Variants in RPS6KC1 observed in about 807,000 individuals in gnomAD.
RPS6KC1 encodes the protein ribosomal protein S6 kinase C1, also known as inactive ribosomal protein S6 kinase delta-1.
RPS6KC1 carries 54 observed loss-of-function variants against 103.8 expected under a neutral mutation model. That is an observed-to-expected ratio of 0.52 (90% confidence interval 0.42 to 0.65). The LOEUF (loss-of-function observed/expected upper bound fraction) is 0.65. Among genes scored for constraint, RPS6KC1 ranks in the 30% least tolerant of loss-of-function variants. RPS6KC1 has a pLI of 0.00. For missense variants in RPS6KC1, 1,151 were observed against 1,253.8 expected (o/e 0.92, Z 1.24); for synonymous variants, 439 against 438.7 (o/e 1.00, Z -0.01).
the RPS6KC1 span, among the ~76,000 whole-genome samples, chr1:213,707,318 C>T: frequency 2.0e-5 from 3 of 151,950 alleles, no homozygotes; most frequent in African/African-American, 4.8e-5. Context: ...AGCTTTTTTT[C>T]ATATGTTTAT....
At chr1:213,532,468 A>G in the RPS6KC1 span, among the ~76,000 whole-genome samples, 1 of 152,204 alleles carries the variant, frequency 6.6e-6, no homozygotes, top group South Asian at 2.1e-4. Flanking sequence ...CTTAAAAGTA[A>G]TTTGGGAAAT....
chr1:213,307,778 G>A, the RPS6KC1 span, among the ~76,000 whole-genome samples: 2 of 152,112 alleles, frequency 1.3e-5, no homozygotes, highest in Admixed American at 6.5e-5. Flanking sequence ...AAACTCAAGT[G>A]GAATGGTACA....
chr1:213,390,265 T>C, the RPS6KC1 span, among the ~76,000 whole-genome samples: 1 of 150,428 alleles, frequency 6.6e-6, no homozygotes, highest in Non-Finnish European at 1.5e-5. Flanking sequence ...ATGGCGAGGG[T>C]TTTTTCTTTT....
the RPS6KC1 span, among the ~76,000 whole-genome samples, chr1:213,656,381 G>A: frequency 6.6e-6 from 1 of 152,226 alleles, no homozygotes; most frequent in Non-Finnish European, 1.5e-5. Flanking sequence ...AGAAAGAGGT[G>A]CCTAAAACAG....
At chr1:213,368,340 CTG>C in the RPS6KC1 span, among the ~76,000 whole-genome samples, 1 of 152,200 alleles carries the variant, frequency 6.6e-6, no homozygotes, top group African/African-American at 2.4e-5. Context: ...TCTCTGATGA[CTG>C]TGGAGCCTCC....
At chr1:213,740,514 G>A in the RPS6KC1 span, among the ~76,000 whole-genome samples, 369 of 152,044 alleles carry the variant, frequency 2.4e-3, 1 homozygote, top group African/African-American at 7.1e-3. Flanking sequence ...ATTCAGCTTC[G>A]TCCTTGGACA....
chr1:213,067,229 G>A (rs368574906), intron 1 of RPS6KC1, among the ~76,000 whole-genome samples: 18 of 152,160 alleles, frequency 1.2e-4, no homozygotes, highest in East Asian at 7.7e-4. Context: ...CTGTGTTACC[G>A]GTGCGGATCC....
At chr1:213,521,436 G>A in the RPS6KC1 span, among the ~76,000 whole-genome samples, 1 of 152,160 alleles carries the variant, frequency 6.6e-6, no homozygotes, top group South Asian at 2.1e-4. Flanking sequence ...AATGGCTGAT[G>A]ACTGATCAGG....
chr1:213,123,642 T>C (rs565799011), intron 5 of RPS6KC1, among the ~76,000 whole-genome samples: 1 of 152,308 alleles, frequency 6.6e-6, no homozygotes, highest in African/African-American at 2.4e-5. Context: ...TTATAAGGGC[T>C]TCTTTCTTAA....
chr1:213,751,389 A>T, the RPS6KC1 span, among the ~76,000 whole-genome samples: 6 of 152,222 alleles, frequency 3.9e-5, no homozygotes, highest in Non-Finnish European at 5.9e-5. Flanking sequence ...ACCAGTGATG[A>T]TTCCTTTCCT....
At chr1:213,738,393 C>CGTTT in the RPS6KC1 span, among the ~76,000 whole-genome samples, 3 of 152,026 alleles carry the variant, frequency 2.0e-5, no homozygotes, top group Admixed American at 6.6e-5. Context: ...TGTTGACAAT[C>CGTTT]GTTTGCAAGA....
At chr1:213,783,308 G>GGACA in the RPS6KC1 span, among the ~76,000 whole-genome samples, 6 of 152,186 alleles carry the variant, frequency 3.9e-5, no homozygotes, top group Non-Finnish European at 5.9e-5. Flanking sequence ...TCTTTTCACA[G>GGACA]GACAATGACC....
the RPS6KC1 span, among the ~76,000 whole-genome samples, chr1:213,390,960 A>T: frequency 3.3e-5 from 5 of 152,106 alleles, no homozygotes; most frequent in Non-Finnish European, 7.3e-5. Context: ...AAGAAGGTCC[A>T]AGTGCACTTT....
the RPS6KC1 span, among the ~76,000 whole-genome samples, chr1:213,425,260 T>C: frequency 6.6e-6 from 1 of 152,242 alleles, no homozygotes; most frequent in South Asian, 2.1e-4. Flanking sequence ...TTGATTAGGC[T>C]GCCATGCATT....
the RPS6KC1 span, among the ~76,000 whole-genome samples, chr1:213,418,344 G>A: frequency 6.6e-6 from 1 of 152,174 alleles, no homozygotes; most frequent in South Asian, 2.1e-4. Flanking sequence ...ATTGATGATG[G>A]TGACTTGATC....
chr1:213,205,018 C>A (rs1053806111), intron 8 of RPS6KC1, among the ~76,000 whole-genome samples: 1 of 152,000 alleles, frequency 6.6e-6, no homozygotes, highest in Non-Finnish European at 1.5e-5. Flanking sequence ...TGATTAGTGG[C>A]CAAAGTATTT....
chr1:213,661,956 C>T, the RPS6KC1 span, among the ~76,000 whole-genome samples: 3 of 151,966 alleles, frequency 2.0e-5, no homozygotes, highest in South Asian at 6.2e-4. Context: ...TCAGAAAACC[C>T]CTAAAAGATA....
the RPS6KC1 span, among the ~76,000 whole-genome samples, chr1:213,355,952 C>T: frequency 6.6e-6 from 1 of 152,142 alleles, no homozygotes; most frequent in South Asian, 2.1e-4. Flanking sequence ...AGACAGGTAC[C>T]TATGTCATAA....
At chr1:213,231,975 G>T in intron 9 of RPS6KC1, 148 bp from the exon 10 acceptor site, 1 of 915,194 alleles carries the variant, frequency 1.1e-6, no homozygotes. Flanking sequence ...CAGGGACTGG[G>T]GGGCATAGAG....
Sources: allele counts gnomAD v4.1 joint callset (sites outside exome capture counted in the v4.1 genomes callset), GRCh38; gene constraint gnomAD v4.1.1; transcripts MANE v1.5; gene names NCBI Gene and HGNC (gene_info 2026-07-23, HGNC 2026-07-21).